The following GPHN variants were observed in gnomAD, a reference collection of about 807,000 sequenced individuals.
GPHN encodes gephyrin.
A neutral mutation model predicts 95.5 loss-of-function variants in GPHN; 17 were observed. That is an observed-to-expected ratio of 0.18 (90% CI 0.12 to 0.27). The LOEUF (loss-of-function observed/expected upper bound fraction) is 0.27, where lower values mean the gene tolerates loss of function less well. Ranked by LOEUF, GPHN falls within the 10% of genes least tolerant of loss-of-function variation. The pLI is 1.00. For missense variants in GPHN, 660 were observed against 978.1 expected (o/e 0.67, Z 4.34); for synonymous variants, 320 against 322.5 (o/e 0.99, Z 0.08).
chr14:66,574,444 T>C (rs2060824098), intron 1 of GPHN, among the ~76,000 whole-genome samples: 1 of 152,246 alleles, frequency 6.6e-6, no homozygotes, highest in South Asian at 2.1e-4. Flanking sequence ...ACCGCCATTA[T>C]AGTATTAGAG....
the GPHN span, among the ~76,000 whole-genome samples, chr14:67,666,297 T>C: frequency 1.3e-5 from 2 of 152,210 alleles, no homozygotes; most frequent in Admixed American, 6.5e-5. Context: ...TCTAGAATGA[T>C]TCCAGGAATG....
chr14:66,891,438 T>G (rs2064495320), intron 5 of GPHN, among the ~76,000 whole-genome samples: 1 of 152,066 alleles, frequency 6.6e-6, no homozygotes, highest in Non-Finnish European at 1.5e-5. Flanking sequence ...AAATTGGATA[T>G]CCACTTGCCA....
At position 66,544,867 on chromosome 14, in the gene GPHN, T is replaced by G. The variant is rs201147331; in HGVS notation, c.64+36276T>G. ...CGCCCTTAATCCATTTAACCCTGAG[T>G]GGACACAGCACATGTTTCAGAGAGC... On this transcript the variant is annotated intron_variant, in intron 1 of 22. Transcript: ENST00000478722. Among the ~76,000 whole-genome samples the G allele has an allele frequency of 6.7e-4, 102 of 152,032 alleles. 1 individual carries two copies. The East Asian group carries it at 0.02, about 29-fold the overall frequency.
chr14:66,605,956 T>C (rs1485110368), intron 1 of GPHN, among the ~76,000 whole-genome samples: 4 of 152,204 alleles, frequency 2.6e-5, no homozygotes, highest in Admixed American at 2.0e-4. Flanking sequence ...GGCTGTTTAC[T>C]GTTGATAATT....
chr14:67,474,578 T>C, the GPHN span, among the ~76,000 whole-genome samples: 1 of 140,940 alleles, frequency 7.1e-6, no homozygotes, highest in African/African-American at 2.6e-5. Flanking sequence ...GTGCATGCCA[T>C]TTTTTAACCA....
At chr14:67,324,897 ATTTTTTTTTT>A in the GPHN span, among the ~76,000 whole-genome samples, 161 of 76,334 alleles carry the variant, frequency 2.1e-3, 3 homozygotes, top group South Asian at 0.068. Context: ...CCTTCCTTTC[ATTTTTTTTTT>A]TTTTTTTTTT....
At chr14:67,421,846 C>G in the GPHN span, among the ~76,000 whole-genome samples, 363 of 152,324 alleles carry the variant, frequency 2.4e-3, 2 homozygotes, top group African/African-American at 8.6e-3. Flanking sequence ...TCCACTGCCA[C>G]TTCTCATTGC....
chr14:66,860,227 A>G (rs1408448657), intron 4 of GPHN, among the ~76,000 whole-genome samples: 1 of 152,176 alleles, frequency 6.6e-6, no homozygotes, highest in Admixed American at 6.5e-5. Context: ...AAGCACCAAG[A>G]GAAAAGAAAC....
chr14:66,520,350 A>G (rs571436045), intron 1 of GPHN, among the ~76,000 whole-genome samples: 1 of 152,296 alleles, frequency 6.6e-6, no homozygotes, highest in South Asian at 2.1e-4. Flanking sequence ...TTTTAGCTTT[A>G]CAAGTTCTTT....
downstream of GPHN, among the ~76,000 whole-genome samples, chr14:67,182,220 C>A (rs2083336433): frequency 6.6e-6 from 1 of 152,060 alleles, no homozygotes; most frequent in African/African-American, 2.4e-5. Context: ...AAATTTTTAA[C>A]CGTGTTAGAA....
chr14:67,090,386 A>G (rs1371380004), intron 12 of GPHN, among the ~76,000 whole-genome samples: 1 of 152,120 alleles, frequency 6.6e-6, no homozygotes, highest in Non-Finnish European at 1.5e-5. Context: ...ACCTGACCTC[A>G]TGTGAAGGGT....
At chr14:66,813,957 C>T (rs1299538377) in intron 3 of GPHN, among the ~76,000 whole-genome samples, 4 of 152,172 alleles carry the variant, frequency 2.6e-5, no homozygotes, top group African/African-American at 4.8e-5. Context: ...CCTATGGCCA[C>T]GCACCAGCCT....
chr14:67,395,570 A>G, the GPHN span: 1 of 1,614,132 alleles, frequency 6.2e-7, no homozygotes. Context: ...TTGAGTCTTC[A>G]GCTTAATGAG....
At chr14:67,367,827 C>A in the GPHN span, among the ~76,000 whole-genome samples, 8 of 150,802 alleles carry the variant, frequency 5.3e-5, no homozygotes, top group African/African-American at 1.9e-4. Context: ...TAGAACCAGA[C>A]CTTGTCTCAA....
the GPHN span, chr14:67,646,394 T>G: frequency 2.1e-5 from 10 of 473,178 alleles, no homozygotes; most frequent in East Asian, 3.5e-5. Context: ...GGTAAGTTAA[T>G]GAGAAACCAA....
intron 8 of GPHN, among the ~76,000 whole-genome samples, chr14:66,960,964 C>T (rs764725414): frequency 1.3e-5 from 2 of 152,064 alleles, no homozygotes; most frequent in Non-Finnish European, 2.9e-5. Flanking sequence ...AATACATTTG[C>T]CTTTAAATAT....
chr14:67,572,189 C>T, the GPHN span: 1 of 1,608,500 alleles, frequency 6.2e-7, no homozygotes, highest in Admixed American at 1.7e-5. Flanking sequence ...CCCCCGGACG[C>T]CTGCTCACTG....
At chr14:67,426,715 A>G in the GPHN span, among the ~76,000 whole-genome samples, 2 of 152,106 alleles carry the variant, frequency 1.3e-5, no homozygotes, top group African/African-American at 2.4e-5. Flanking sequence ...AGCTGGGACT[A>G]CAGGCATGTG....
At chr14:66,648,084 T>C (rs189673721) in intron 1 of GPHN, among the ~76,000 whole-genome samples, 1 of 152,306 alleles carries the variant, frequency 6.6e-6, no homozygotes, top group Non-Finnish European at 1.5e-5. Context: ...ATGATTGGAA[T>C]TGGAAATGAC....
Sources: allele counts gnomAD v4.1 joint callset (sites outside exome capture counted in the v4.1 genomes callset), GRCh38; gene constraint gnomAD v4.1.1; transcripts MANE v1.5; gene names NCBI Gene and HGNC (gene_info 2026-07-23, HGNC 2026-07-21).